SRCIN1: variants seen among roughly 807,000 people sequenced by gnomAD.
The protein encoded by SRCIN1 is SRC kinase signaling inhibitor 1, also known as P130Cas-associated protein.
In SRCIN1, 50 loss-of-function variants were observed where a neutral mutation model predicts 116.2. That is an observed-to-expected ratio of 0.43 (90% CI 0.34 to 0.54). The LOEUF (loss-of-function observed/expected upper bound fraction) is 0.54. Ranked by LOEUF, SRCIN1 falls within the 20% of genes least tolerant of loss-of-function variation. SRCIN1 has a pLI of 0.02. For synonymous variants in SRCIN1, 736 were observed against 750.0 expected (o/e 0.98, Z 0.30); for missense variants, 1,446 against 1,672.0 (o/e 0.86, Z 2.36).
chr17:38,558,470 G>A lies in SRCIN1; in HGVS notation c.2026-68C>T. 1 of 1,517,228 alleles carries A rather than the reference G, an allele frequency of 6.6e-7. No individual in the cohort carries two copies. Among genetic ancestry groups the A allele is most frequent in the Non-Finnish European group, 8.8e-7 (1 of 1,137,798 alleles). The allele number at this position is 1,517,228 out of a possible 1,614,324, so 94.0% of individuals were successfully genotyped here. ...AGCCGCGAGGCAGGGGAAGGGCCGG[G>A]AGAAGGCGGGTAGAGGACTGCCCAA... On this transcript the variant is annotated intron_variant, in intron 10 of 18. Coordinates refer to ENST00000617146, the MANE Select transcript of SRCIN1 (RefSeq NM_025248.3). The surrounding 1 kb of genome is among the most constrained non-coding windows in gnomAD (Gnocchi z 4.6).
chr17:38,564,092 G>A (rs1334044469), intron 4 of SRCIN1, 26 bp downstream of exon 4: 2 of 1,580,780 alleles, frequency 1.3e-6, no homozygotes, highest in African/African-American at 1.3e-5. Flanking sequence ...TGTGTGGGGA[G>A]GGAGGGTGGA....
In SRCIN1 at chr17:38,559,725, G is replaced by C; in HGVS notation, c.1885C>G (p.Pro629Ala). The change falls in exon 10 of 19, where the codon CCG (proline) becomes GCG (alanine). Residue 629 changes from proline (P) to alanine (A), a missense_variant. Physicochemically the swap from Pro to Ala is conservative, Grantham distance 27. Transcript: ENST00000617146. ...RSSGATPVSG[P>A]PPPSASSTPA... ...GTGCTGCTGGCCGAGGGCGGGGGCGGGCCGGACACCGGGGTGGCCCCGCTG... is the reference window on the plus strand; with the variant it reads ...GTGCTGCTGGCCGAGGGCGGGGGCGCGCCGGACACCGGGGTGGCCCCGCTG... 4 of 1,562,960 alleles carry C rather than the reference G, an allele frequency of 2.6e-6. No homozygotes were observed. Among genetic ancestry groups the C allele is most frequent in the South Asian group, 2.3e-5 (2 of 86,070 alleles).
At position 38,541,082 on chromosome 17, in the gene SRCIN1, G is replaced by A. The variant is rs1241109414; in HGVS notation, c.3417+2741C>T. Among the ~76,000 whole-genome samples, 4 of 151,372 alleles carry A rather than the reference G, an allele frequency of 2.6e-5. No individual in the cohort carries two copies. In the East Asian group the frequency reaches 5.8e-4, roughly 22 times the overall value. ...GTGAAACCCCATCTCTACTAAAAAT[G>A]CAAAAATTTAGCCAGGCTTGGTGGT... On this transcript the variant is annotated intron_variant, in intron 18 of 18. Coordinates refer to ENST00000617146, the MANE Select transcript of SRCIN1 (RefSeq NM_025248.3).
Position 38,572,088 on chromosome 17 carries a change from C to T in SRCIN1, c.325-3857G>A, listed in dbSNP as rs1907111394. ...CAGTGAGCAAATGACCCCTCCTTGA[C>T]CTCAAGCCCTGACCACGCACCTTCC... On this transcript the variant is annotated intron_variant, in intron 2 of 18. Coordinates refer to ENST00000617146, the MANE Select transcript of SRCIN1 (RefSeq NM_025248.3). This position sits in a 1 kb window ranked among gnomAD's most constrained non-coding sequence, Gnocchi z 4.3. 3.3e-5 allele frequency among the ~76,000 whole-genome samples: 5 copies of T among 152,190 alleles called. No individual in the cohort carries two copies. In the South Asian group the frequency reaches 1.0e-3, roughly 32 times the overall value.
intron 15 of SRCIN1, among the ~76,000 whole-genome samples, chr17:38,550,777 T>C (rs1905342868): frequency 6.6e-6 from 1 of 152,202 alleles, no homozygotes; most frequent in Admixed American, 6.5e-5. Flanking sequence ...CCCGGGACCG[T>C]GACTCAGGCT....
Position 38,531,220 on chromosome 17 carries a change from T to G in SRCIN1, c.*2077A>C, listed in dbSNP as rs1191774721. 2.0e-5 allele frequency: 3 copies of G among 150,844 alleles called. No homozygotes were observed. The highest frequency in any genetic ancestry group is 4.4e-5 in the Non-Finnish European group (3 of 67,568). The allele number at this position is 150,844 out of a possible 1,614,324, so 9.3% of individuals were successfully genotyped here. On this transcript the variant is annotated 3_prime_UTR_variant, in exon 19 of 19. Transcript: ENST00000617146. ...AAGTAGCAAGCAGAGAGTAATGGAG[T>G]GGAGGGAGGAGGGGGCACCACTCCC...
rs1021225831 is a variant in SRCIN1 at position 38,604,246 on chromosome 17, G to T, written c.22+1438C>A. ...AGGAACATTCAGGCCCACAAACCTGGAAGTCTGGTCAGCTTCCCTCACTCC... is the reference window on the plus strand; with the variant it reads ...AGGAACATTCAGGCCCACAAACCTGTAAGTCTGGTCAGCTTCCCTCACTCC... On this transcript the variant is annotated intron_variant, in intron 1 of 18. Transcript: ENST00000617146. This position sits in a 1 kb window ranked among gnomAD's most constrained non-coding sequence, Gnocchi z 4.3. Among the ~76,000 whole-genome samples, 1 of 152,058 alleles carries T rather than the reference G, an allele frequency of 6.6e-6. No homozygotes were observed. Among genetic ancestry groups the T allele is most frequent in the Admixed American group, 6.6e-5 (1 of 15,256 alleles).
intron 17 of SRCIN1, among the ~76,000 whole-genome samples, chr17:38,548,033 CCT>C (rs1162235454): frequency 6.6e-6 from 1 of 152,154 alleles, no homozygotes; most frequent in Non-Finnish European, 1.5e-5. Context: ...AGCCGCCAGC[CCT>C]CTCTGCCCTC....
Position 38,533,378 on chromosome 17 carries a change from G to A in SRCIN1, c.3471C>T (p.Val1157=). Residue 1157 remains valine (V), a synonymous_variant, in exon 19 of 19, where the codon GTC becomes GTT. Transcript: ENST00000617146. ...MSGSNETSSP[V]SEKPSASRTS... is the part of the protein sequence containing the mutation. ...TTCTGGAAGCCGAGGGCTTTTCTGA[G>A]ACTGGGCTCGAGGTCTCATTCGACC... 1 of 1,611,716 alleles carries A rather than the reference G, an allele frequency of 6.2e-7. No homozygotes were observed. The highest frequency in any genetic ancestry group is 8.5e-7 in the Non-Finnish European group (1 of 1,179,178).
In SRCIN1 at chr17:38,562,347, G is replaced by A; in HGVS notation, c.835-19C>T. 7.0e-7 allele frequency: 1 copy of A among 1,431,700 alleles called. No homozygotes were observed. The highest frequency in any genetic ancestry group is 1.4e-5 in the South Asian group (1 of 69,474). 88.7% of individuals were successfully genotyped at this position (1,431,700 alleles called of 1,614,324 possible). A position where few individuals can be genotyped will look rare whatever the true frequency, so the allele number is the denominator to read the frequency against. On this transcript the variant is annotated intron_variant, in intron 6 of 18. Transcript: ENST00000617146. This position sits in a 1 kb window ranked among gnomAD's most constrained non-coding sequence, Gnocchi z 4.2. ...TCTCTCTCTGCGCAGAAGACAGCCC[G>A]GAACCCCACGGGGCTGGTCACCAAG...
At chr17:38,556,532 G>C (rs976793732) in intron 11 of SRCIN1, among the ~76,000 whole-genome samples, 11 of 152,270 alleles carry the variant, frequency 7.2e-5, no homozygotes, top group African/African-American at 2.4e-4. Context: ...GTAAGCGTAA[G>C]CTCCTGGAGT....
rs1218931574 is a variant in SRCIN1, at chr17:38,564,119, T to C, written c.540A>G (p.Pro180=). ...RSASQTKLRS[P]GVLFLQFGEE... is the part of the protein sequence containing the mutation. ...GAGGGTGGACTGGGCGGGCAGTACCTGGGGAGCGCAGCTTGGTCTGGCTGG... is the reference window on the plus strand; with the variant it reads ...GAGGGTGGACTGGGCGGGCAGTACCCGGGGAGCGCAGCTTGGTCTGGCTGG... The change falls in exon 4 of 19, where the codon CCA becomes CCG. Residue 180 remains proline, a splice_region_variant and synonymous_variant. Coordinates refer to ENST00000617146, the MANE Select transcript of SRCIN1 (RefSeq NM_025248.3). 3 of 1,596,436 alleles carry C rather than the reference T, an allele frequency of 1.9e-6. No homozygotes were observed. The highest frequency in any genetic ancestry group is 2.3e-5 in the South Asian group (2 of 87,804).
chr17:38,601,834 G>C (rs1049336729), intron 1 of SRCIN1, among the ~76,000 whole-genome samples: 2 of 152,162 alleles, frequency 1.3e-5, no homozygotes, highest in Non-Finnish European at 2.9e-5. Context: ...AGCAGGGCCA[G>C]AGCTGGGGAA....
chr17:38,543,800 GCCC>G lies in SRCIN1; in HGVS notation c.3417+20_3417+22del. The G allele has an allele frequency of 6.3e-7, 1 of 1,599,526 alleles. No individual in the cohort carries two copies. Among genetic ancestry groups the G allele is most frequent in the South Asian group, 1.1e-5 (1 of 90,586 alleles). ...GCATGCAGCAGAGTGGGCCTGGGTG[GCCC>G]CCACAGTCCCCGCCCTCACCTGCTG... On this transcript the variant is annotated intron_variant, in intron 18 of 18. Transcript: ENST00000617146.
At chr17:38,584,970 G>T (rs551719230) in intron 1 of SRCIN1, among the ~76,000 whole-genome samples, 451 of 152,238 alleles carry the variant, frequency 3.0e-3, no homozygotes, top group Non-Finnish European at 4.9e-3. Context: ...GTCCTCCCCA[G>T]CCCCAAACTC....
Position 38,533,248 on chromosome 17 carries a change from T to C in SRCIN1, c.*49A>G, listed in dbSNP as rs897626814. ...GAGATGAAGGAAGAGAGGGGAGAAATGGCAGGAGTGAGGGAGGGGGACAGG... is the reference window on the plus strand; with the variant it reads ...GAGATGAAGGAAGAGAGGGGAGAAACGGCAGGAGTGAGGGAGGGGGACAGG... On this transcript the variant is annotated 3_prime_UTR_variant, in exon 19 of 19. Transcript: ENST00000617146. 5 of 1,344,996 alleles carry C rather than the reference T, an allele frequency of 3.7e-6. No individual in the cohort carries two copies. Among genetic ancestry groups the C allele is most frequent in the Admixed American group, 2.7e-5 (1 of 37,366 alleles). The allele number at this position is 1,344,996 out of a possible 1,614,324, so 83.3% of individuals were successfully genotyped here.
At position 38,604,601 on chromosome 17, in the gene SRCIN1, A is replaced by ATGGGGACGCG. The variant is rs754447502; in HGVS notation, c.22+1073_22+1082dup. 2.2e-6 allele frequency: 1 copy of ATGGGGACGCG among 445,042 alleles called. No individual in the cohort carries two copies. The highest frequency in any genetic ancestry group is 1.6e-5 in the South Asian group (1 of 63,344). 27.6% of individuals were successfully genotyped at this position (445,042 alleles called of 1,614,324 possible). A position where few individuals can be genotyped will look rare whatever the true frequency, so the allele number is the denominator to read the frequency against. ...GCGCCGGAGGCACTGCCAGGGCTGC[A>ATGGGGACGCG]TGGGGACGCGTGGGGCTGGGGGACG... On this transcript the variant is annotated intron_variant, in intron 1 of 18. Coordinates refer to ENST00000617146, the MANE Select transcript of SRCIN1 (RefSeq NM_025248.3). The surrounding 1 kb of genome is among the most constrained non-coding windows in gnomAD (Gnocchi z 4.3).
chr17:38,541,432 C>T (rs142596787), intron 18 of SRCIN1: 1 of 152,260 alleles, frequency 6.6e-6, no homozygotes, highest in Non-Finnish European at 1.5e-5. Flanking sequence ...CTGGGGCAGC[C>T]TCGTACCGGC....
rs189806362 is a variant in SRCIN1 at position 38,552,696 on chromosome 17, C to G, written c.2332+29G>C. 1,039 of 1,613,104 alleles carry G rather than the reference C, an allele frequency of 6.4e-4. 9 individuals carry two copies. The African/African-American group carries it at 0.012, about 18-fold the overall frequency. ...TGGCAGACTTCCCCACCCTGAACAACGTGCTGCATTCGCAGGCCCCAGACC... is the reference window on the plus strand; with the variant it reads ...TGGCAGACTTCCCCACCCTGAACAAGGTGCTGCATTCGCAGGCCCCAGACC... On this transcript the variant is annotated intron_variant, in intron 12 of 18. Coordinates refer to ENST00000617146, the MANE Select transcript of SRCIN1 (RefSeq NM_025248.3). This position sits in a 1 kb window ranked among gnomAD's most constrained non-coding sequence, Gnocchi z 5.3.
Sources: allele counts gnomAD v4.1 joint callset (sites outside exome capture counted in the v4.1 genomes callset), GRCh38; gene constraint gnomAD v4.1.1; non-coding constraint Gnocchi (gnomAD v3.1); transcripts MANE v1.5; gene names NCBI Gene and HGNC (gene_info 2026-07-23, HGNC 2026-07-21).